CHERP: variants seen among roughly 807,000 people sequenced by gnomAD.
CHERP encodes the protein calcium homeostasis endoplasmic reticulum protein.
CHERP carries 8 observed loss-of-function variants against 113.8 expected under a neutral mutation model. The ratio of observed to expected loss-of-function variants is 0.07; its 90% CI spans 0.04 to 0.13. The LOEUF is 0.13. Ranked by LOEUF, CHERP falls within the 10% of genes least tolerant of loss-of-function variation. The probability of loss-of-function intolerance (pLI) is 1.00; values close to 1 mark genes in which losing one functional copy is unlikely to be tolerated. For missense variants in CHERP, 884 were observed against 1,298.2 expected, an observed-to-expected ratio of 0.68 and a Z score of 4.90; for synonymous variants, 559 against 524.5, an observed-to-expected ratio of 1.07 and a Z score of -0.90.
chr19:16,541,589 A>C (rs2085780025), intron 2 of CHERP: 1 of 380,522 alleles, frequency 2.6e-6, no homozygotes, highest in African/African-American at 2.1e-5. Flanking sequence ...CAATCACGCT[A>C]CTCCTGCTAA....
At position 16,518,300 on chromosome 19, in the gene CHERP, C is replaced by G. The variant is rs1003513789; in HGVS notation, c.*859G>C. 1.3e-5 allele frequency: 2 copies of G among 151,910 alleles called. No homozygotes were observed. Among genetic ancestry groups the G allele is most frequent in the Non-Finnish European group, 2.9e-5 (2 of 68,032 alleles). The allele number at this position is 151,910 out of a possible 1,614,324, so 9.4% of individuals were successfully genotyped here. A position where few individuals can be genotyped will look rare whatever the true frequency, so the allele number is the denominator to read the frequency against. On this transcript the variant is annotated 3_prime_UTR_variant, in exon 17 of 17. Coordinates refer to ENST00000546361, the MANE Select transcript of CHERP (RefSeq NM_006387.6). Reference sequence around the variant, plus strand: ...CTGGATGGGACTGGGCCGTCGCACACGCCAGCCGGTGCAGGGTTCTTCCAA... The same window carrying G: ...CTGGATGGGACTGGGCCGTCGCACAGGCCAGCCGGTGCAGGGTTCTTCCAA...
Position 16,529,716 on chromosome 19 carries a change from G to A in CHERP, c.1061C>T (p.Thr354Met), listed in dbSNP as rs374335460. ...CGGGGGTGGAGCAGGCGGTGGAGGC[G>A]TGGCCTTGACTTCAGCCTCCATCTG... ...MPQMEAEVKA[T>M]PPPPAPPPAP... is the part of the protein sequence containing the mutation. Residue 354 changes from threonine (T) to methionine (M), a missense_variant, in exon 8 of 17, where the codon ACG (threonine) becomes ATG (methionine). Thr to Met is a moderately conservative substitution (Grantham distance 81). This residue lies in a region of CHERP where 464 missense variants were observed against 590.1 expected (regional missense o/e 0.79). Transcript: ENST00000546361. 1.8e-5 allele frequency: 29 copies of A among 1,600,640 alleles called. No homozygotes were observed. Among genetic ancestry groups the A allele is most frequent in the African/African-American group, 6.7e-5 (5 of 74,784 alleles).
Position 16,523,193 on chromosome 19 carries a change from G to A in CHERP, c.1839C>T (p.Gly613=). The A allele has an allele frequency of 6.3e-7, 1 of 1,577,594 alleles. No homozygotes were observed. Among genetic ancestry groups the A allele is most frequent in the East Asian group, 2.4e-5 (1 of 41,986 alleles). Residue 613 remains glycine (G), a synonymous_variant, in exon 11 of 17, where the codon GGC becomes GGT. Coordinates refer to ENST00000546361, the MANE Select transcript of CHERP (RefSeq NM_006387.6). This position sits in a 1 kb window ranked among gnomAD's most constrained non-coding sequence, Gnocchi z 4.0. The stretch of plus-strand genomic sequence containing the variant: ...GCCCGTTGAAGCCATGGGGGGGAGG[G>A]CCGAAGTCAGGGTGCTGGGGTCCAG... The part of the protein sequence containing the change: ...PWAGPQHPDF[G]PPPHGFNGQP...
At chr19:16,522,946 G>C (rs1046136631) in intron 11 of CHERP, 106 bp downstream of exon 11, 3 of 1,327,444 alleles carry the variant, frequency 2.3e-6, no homozygotes, top group Non-Finnish European at 3.0e-6. Flanking sequence ...GGGAGATGAA[G>C]GGGAGCCCCG....
chr19:16,518,844 A>G lies in CHERP; in HGVS notation c.*315T>C, dbSNP rs2085575650. ...TCTGACTTAGGGCAGATGCACATCC[A>G]TCCCTTCGTGGCTGAAGAATTTACT... On this transcript the variant is annotated 3_prime_UTR_variant, in exon 17 of 17. Coordinates refer to ENST00000546361, the MANE Select transcript of CHERP (RefSeq NM_006387.6). 2.8e-6 allele frequency: 1 copy of G among 362,108 alleles called. No homozygotes were observed. The highest frequency in any genetic ancestry group is 5.1e-6 in the Non-Finnish European group (1 of 197,254). The allele number at this position is 362,108 out of a possible 1,614,324, so 22.4% of individuals were successfully genotyped here.
rs190041086 is a variant in CHERP at position 16,530,164 on chromosome 19, G to A, written c.877-264C>T. Among the ~76,000 whole-genome samples the A allele has an allele frequency of 6.9e-4, 105 of 152,314 alleles. No homozygotes were observed. Among genetic ancestry groups the A allele is most frequent in the Admixed American group, 1.2e-3 (18 of 15,308 alleles). On this transcript the variant is annotated intron_variant, in intron 7 of 16. Transcript: ENST00000546361. This position sits in a 1 kb window ranked among gnomAD's most constrained non-coding sequence, Gnocchi z 4.1. ...GAGCAACGACAGCCGTGTCCTGGCCGCTTCGTGGCTGCTCAGCGAACACTG... is the reference window on the plus strand; with the variant it reads ...GAGCAACGACAGCCGTGTCCTGGCCACTTCGTGGCTGCTCAGCGAACACTG...
Position 16,532,311 on chromosome 19 carries a change from G to A in CHERP, c.674+287C>T, listed in dbSNP as rs2085711242. ...AGAAGCTGCCCCATGAGAGGAAGGA[G>A]TGCAGGGGACAGTGGCCCCCAGGAG... On this transcript the variant is annotated intron_variant, in intron 5 of 16. Transcript: ENST00000546361. This position sits in a 1 kb window ranked among gnomAD's most constrained non-coding sequence, Gnocchi z 4.4. The A allele has an allele frequency of 5.2e-6, 2 of 385,734 alleles. No individual in the cohort carries two copies. Among genetic ancestry groups the A allele is most frequent in the Non-Finnish European group, 9.4e-6 (2 of 212,348 alleles). The allele number at this position is 385,734 out of a possible 1,614,324, so 23.9% of individuals were successfully genotyped here. A position where few individuals can be genotyped will look rare whatever the true frequency, so the allele number is the denominator to read the frequency against.
intron 8 of CHERP, among the ~76,000 whole-genome samples, 183 bp from the exon 9 acceptor site, chr19:16,528,438 G>T (rs371864152): frequency 6.6e-6 from 1 of 152,152 alleles, no homozygotes; most frequent in Admixed American, 6.5e-5. Flanking sequence ...GGGAGGTTTC[G>T]ACCTTGAACA....
At position 16,538,319 on chromosome 19, in the gene CHERP, T is replaced by C. The variant is rs560296796; in HGVS notation, c.200-2683A>G. ...GGCTCCTTCCTCTGCCCGGAACACTTTTCTCCCCTTGTTTTCACCTGGCCA... is the reference window on the plus strand; with the variant it reads ...GGCTCCTTCCTCTGCCCGGAACACTCTTCTCCCCTTGTTTTCACCTGGCCA... On this transcript the variant is annotated intron_variant, in intron 2 of 16. Coordinates refer to ENST00000546361, the MANE Select transcript of CHERP (RefSeq NM_006387.6). Among the ~76,000 whole-genome samples, 4 of 152,224 alleles carry C rather than the reference T, an allele frequency of 2.6e-5. No individual in the cohort carries two copies. The East Asian group carries it at 7.7e-4, about 29-fold the overall frequency.
chr19:16,519,401 G>T lies in CHERP; in HGVS notation c.2558-49C>A. The stretch of plus-strand genomic sequence containing the variant: ...ACCACAACAAGGCGGAGGCAGATGG[G>T]GGTGCACGTGGGGGGCTGAATGTCC... On this transcript the variant is annotated intron_variant, in intron 16 of 16. Transcript: ENST00000546361. The surrounding 1 kb of genome is among the most constrained non-coding windows in gnomAD (Gnocchi z 6.0). 6.4e-7 allele frequency: 1 copy of T among 1,559,044 alleles called. No homozygotes were observed.
Position 16,523,410 on chromosome 19 carries a change from A to G in CHERP, c.1742-120T>C. The G allele has an allele frequency of 8.5e-7, 1 of 1,181,494 alleles. No individual in the cohort carries two copies. Among genetic ancestry groups the G allele is most frequent in the Non-Finnish European group, 1.2e-6 (1 of 832,048 alleles). 73.2% of individuals were successfully genotyped at this position (1,181,494 alleles called of 1,614,324 possible). ...ACGAACCCCTCCTGGGAGCCTGTCC[A>G]GCATCTTCTCTCACTGCTTAAGACC... On this transcript the variant is annotated intron_variant, in intron 10 of 16. Coordinates refer to ENST00000546361, the MANE Select transcript of CHERP (RefSeq NM_006387.6). The surrounding 1 kb of genome is among the most constrained non-coding windows in gnomAD (Gnocchi z 4.0).
chr19:16,542,326 A>T, intron 1 of CHERP, 28 bp downstream of exon 1: 1 of 1,409,166 alleles, frequency 7.1e-7, no homozygotes, highest in South Asian at 1.7e-5. Context: ...GGAGAGAGAA[A>T]CGGTCTCTCG....
At chr19:16,536,583 A>G (rs2085742909) in intron 2 of CHERP, among the ~76,000 whole-genome samples, 1 of 152,004 alleles carries the variant, frequency 6.6e-6, no homozygotes, top group Non-Finnish European at 1.5e-5. Flanking sequence ...TGTGCACCCA[A>G]AGCCACCCTA....
intron 2 of CHERP, among the ~76,000 whole-genome samples, chr19:16,538,622 G>A (rs1276895486): frequency 1.3e-5 from 2 of 152,096 alleles, no homozygotes; most frequent in East Asian, 1.9e-4. Context: ...GGCAGAGGTT[G>A]CAGTGAGCCA....
intron 2 of CHERP, chr19:16,541,121 C>G (rs1434204909): frequency 6.6e-6 from 1 of 152,126 alleles, no homozygotes; most frequent in Non-Finnish European, 1.5e-5. Flanking sequence ...CCAAACAGAC[C>G]TTGTTTGGGT....
chr19:16,519,077 C>T lies in CHERP; in HGVS notation c.*82G>A, dbSNP rs956528478. 12 of 1,287,484 alleles carry T rather than the reference C, an allele frequency of 9.3e-6. No individual in the cohort carries two copies. Among genetic ancestry groups the T allele is most frequent in the East Asian group, 2.5e-5 (1 of 40,108 alleles). The allele number at this position is 1,287,484 out of a possible 1,614,324, so 79.8% of individuals were successfully genotyped here. On this transcript the variant is annotated 3_prime_UTR_variant, in exon 17 of 17. Transcript: ENST00000546361. This position sits in a 1 kb window ranked among gnomAD's most constrained non-coding sequence, Gnocchi z 6.0. ...AGACGGTGTAAGAACTGAGCTGTCA[C>T]TGCAATCTTCCTCTGCCAGTCAGCC...
At position 16,532,518 on chromosome 19, in the gene CHERP, A is replaced by G; in HGVS notation, c.674+80T>C. ...CGGGACAGGCCAAGCCAAGCTACCG[A>G]CCGGAGCAAGCGGCCACCCAGGAGG... is the stretch of plus-strand genomic sequence containing the variant. On this transcript the variant is annotated intron_variant, in intron 5 of 16. Coordinates refer to ENST00000546361, the MANE Select transcript of CHERP (RefSeq NM_006387.6). The surrounding 1 kb of genome is among the most constrained non-coding windows in gnomAD (Gnocchi z 4.4). 6.2e-6 allele frequency: 9 copies of G among 1,455,206 alleles called. No homozygotes were observed. Among genetic ancestry groups the G allele is most frequent in the Non-Finnish European group, 8.2e-6 (9 of 1,096,842 alleles). 90.1% of individuals were successfully genotyped at this position (1,455,206 alleles called of 1,614,324 possible).
rs1425731344 is a variant in CHERP, at chr19:16,523,619, T to A, written c.1742-329A>T. Among the ~76,000 whole-genome samples the A allele has an allele frequency of 6.6e-6, 1 of 152,152 alleles. No individual in the cohort carries two copies. The highest frequency in any genetic ancestry group is 2.4e-5 in the African/African-American group (1 of 41,438). ...AGCCCCCAGTAGCTCAGGACGGAAC[T>A]GTATTTGGAGACAGAGCCTTCAAAG... On this transcript the variant is annotated intron_variant, in intron 10 of 16. Transcript: ENST00000546361. This position sits in a 1 kb window ranked among gnomAD's most constrained non-coding sequence, Gnocchi z 4.0.
At chr19:16,526,641 A>T (rs919013027) in intron 9 of CHERP, among the ~76,000 whole-genome samples, 1 of 151,688 alleles carries the variant, frequency 6.6e-6, no homozygotes, top group African/African-American at 2.4e-5. Context: ...CTATTTTTTT[A>T]TCTTTAGTAG....
Sources: gnomAD v4.1 joint callset for allele counts (sites outside exome capture counted in the v4.1 genomes callset) on GRCh38, gnomAD v4.1.1 for gene constraint, gnomAD v4.1.1 regional missense constraint, Gnocchi (gnomAD v3.1) non-coding constraint, MANE v1.5 for transcripts, NCBI Gene and HGNC (gene_info 2026-07-23, HGNC 2026-07-21) for gene names.